Variants in KCNIP4 observed in about 807,000 individuals in gnomAD.
KCNIP4 encodes the protein Kv channel-interacting protein 4.
KCNIP4 carries 12 observed loss-of-function variants against 34.0 expected under a neutral mutation model. The observed-to-expected ratio is 0.35, with a 90% CI of 0.23 to 0.57. The LOEUF (loss-of-function observed/expected upper bound fraction) is 0.57. Ranked by LOEUF, KCNIP4 falls within the 20% of genes least tolerant of loss-of-function variation. The pLI, the probability that KCNIP4 is intolerant of heterozygous loss-of-function variation, is 0.83. For missense variants in KCNIP4, 238 were observed against 311.7 expected, an observed-to-expected ratio of 0.76 and a Z score of 1.78; for synonymous variants, 124 against 102.2, an observed-to-expected ratio of 1.21 and a Z score of -1.29.
At chr4:20,788,669 A>G (rs2149401414) in intron 3 of KCNIP4, among the ~76,000 whole-genome samples, 1 of 152,302 alleles carries the variant, frequency 6.6e-6, no homozygotes, top group South Asian at 2.1e-4. Flanking sequence ...ATAAATCTTC[A>G]GCAAATGAAA....
intron 1 of KCNIP4, among the ~76,000 whole-genome samples, chr4:20,905,816 G>A (rs777541488): frequency 3.3e-5 from 5 of 151,752 alleles, no homozygotes; most frequent in Non-Finnish European, 7.4e-5. Flanking sequence ...CACCATCCCT[G>A]GCCTAGTAGT....
chr4:21,562,065 T>C (rs1739522071), intron 1 of KCNIP4, among the ~76,000 whole-genome samples: 1 of 151,956 alleles, frequency 6.6e-6, no homozygotes, highest in African/African-American at 2.4e-5. Flanking sequence ...TCATCTACTG[T>C]GGATCTACAA....
chr4:21,552,465 T>A (rs1433709716), intron 1 of KCNIP4, among the ~76,000 whole-genome samples: 1 of 152,144 alleles, frequency 6.6e-6, no homozygotes, highest in Admixed American at 6.6e-5. Context: ...TTTAAGCACC[T>A]AAAAAGTAAT....
chr4:21,351,805 C>T (rs1452639524), intron 1 of KCNIP4, among the ~76,000 whole-genome samples: 1 of 152,166 alleles, frequency 6.6e-6, no homozygotes, highest in Non-Finnish European at 1.5e-5. Context: ...CCCAGAAGAA[C>T]TCTAACCTGC....
chr4:20,957,168 A>T (rs1733396849), intron 1 of KCNIP4, among the ~76,000 whole-genome samples: 1 of 152,204 alleles, frequency 6.6e-6, no homozygotes, highest in South Asian at 2.1e-4. Flanking sequence ...TAAGTAAAAG[A>T]CCAAGAACGG....
intron 1 of KCNIP4, among the ~76,000 whole-genome samples, chr4:21,454,877 G>T (rs545165269): frequency 1.3e-5 from 2 of 151,992 alleles, no homozygotes; most frequent in Non-Finnish European, 2.9e-5. Flanking sequence ...AAGATACAGG[G>T]GTAGGAATCC....
chr4:21,140,612 C>A (rs1455264031), intron 1 of KCNIP4, among the ~76,000 whole-genome samples: 1 of 152,094 alleles, frequency 6.6e-6, no homozygotes, highest in African/African-American at 2.4e-5. Flanking sequence ...AATACATAAA[C>A]CCTCAATATT....
chr4:20,934,946 C>A (rs1235395945), intron 1 of KCNIP4, among the ~76,000 whole-genome samples: 1 of 152,168 alleles, frequency 6.6e-6, no homozygotes, highest in African/African-American at 2.4e-5. Flanking sequence ...GCCTCTTCAT[C>A]TTCTAGTGAC....
chr4:21,098,438 C>T (rs1375729033), intron 1 of KCNIP4, among the ~76,000 whole-genome samples: 2 of 152,152 alleles, frequency 1.3e-5, no homozygotes, highest in Non-Finnish European at 2.9e-5. Context: ...GGGGCTAATA[C>T]AGCTGGTGAC....
intron 1 of KCNIP4, among the ~76,000 whole-genome samples, chr4:21,329,867 A>T (rs760049495): frequency 6.6e-6 from 1 of 152,210 alleles, no homozygotes; most frequent in Non-Finnish European, 1.5e-5. Flanking sequence ...ATGATATAAA[A>T]ACAACCTAAA....
chr4:21,154,600 A>G (rs1056446757), intron 1 of KCNIP4, among the ~76,000 whole-genome samples: 1 of 152,194 alleles, frequency 6.6e-6, no homozygotes, highest in African/African-American at 2.4e-5. Flanking sequence ...TGCAACATCC[A>G]TCTTTGTTTA....
intron 4 of KCNIP4, among the ~76,000 whole-genome samples, chr4:20,750,509 T>G (rs1388639431): frequency 6.6e-6 from 1 of 152,174 alleles, no homozygotes; most frequent in Non-Finnish European, 1.5e-5. Context: ...GACAGGTATG[T>G]CTTCTGAAGT....
chr4:21,631,709 G>T (rs1233132465), intron 1 of KCNIP4, among the ~76,000 whole-genome samples: 1 of 152,032 alleles, frequency 6.6e-6, no homozygotes, highest in Admixed American at 6.6e-5. Flanking sequence ...CCATATTCTG[G>T]ACCAATTGTG....
chr4:20,900,034 T>C (rs903104068), intron 1 of KCNIP4, among the ~76,000 whole-genome samples: 1 of 152,192 alleles, frequency 6.6e-6, no homozygotes, highest in Non-Finnish European at 1.5e-5. Flanking sequence ...CAGGGTTTTA[T>C]TGGAGACAGG....
intron 1 of KCNIP4, among the ~76,000 whole-genome samples, chr4:21,336,946 G>A (rs537552346): frequency 6.6e-6 from 1 of 152,106 alleles, no homozygotes; most frequent in South Asian, 2.1e-4. Context: ...ATCTAAATAG[G>A]GGTGAGGAAG....
chr4:21,342,338 T>C (rs1053594159), intron 1 of KCNIP4, among the ~76,000 whole-genome samples: 5 of 152,164 alleles, frequency 3.3e-5, no homozygotes, highest in African/African-American at 1.2e-4. Context: ...ACGTCTTGCA[T>C]ACATATATAA....
intron 1 of KCNIP4, among the ~76,000 whole-genome samples, chr4:21,252,136 T>TTG (rs1760752632): frequency 1.3e-5 from 2 of 150,076 alleles, no homozygotes; most frequent in African/African-American, 4.9e-5. Context: ...TTTGTTTTTT[T>TTG]TTTTTTTTTT....
At chr4:21,650,014 T>C (rs1747351971) in intron 1 of KCNIP4, among the ~76,000 whole-genome samples, 1 of 152,200 alleles carries the variant, frequency 6.6e-6, no homozygotes, top group Admixed American at 6.5e-5. Context: ...CCATTGTGTG[T>C]GCCAGACAAA....
chr4:21,527,350 GA>G (rs1736054099), intron 1 of KCNIP4, among the ~76,000 whole-genome samples: 2 of 152,110 alleles, frequency 1.3e-5, no homozygotes, highest in Admixed American at 1.3e-4. Context: ...AAAGATGAAA[GA>G]ATCAACAATT....
Sources: allele counts gnomAD v4.1 joint callset (sites outside exome capture counted in the v4.1 genomes callset), GRCh38; gene constraint gnomAD v4.1.1; transcripts MANE v1.5; gene names NCBI Gene and HGNC (gene_info 2026-07-23, HGNC 2026-07-21).